The following CLYBL variants were observed in gnomAD, a reference collection of about 807,000 sequenced individuals.
CLYBL encodes citramalyl-CoA lyase, also known as citramalyl-CoA lyase, mitochondrial.
In CLYBL, 31 loss-of-function variants were observed where a neutral mutation model predicts 38.9. That is an observed-to-expected ratio of 0.80 (90% confidence interval 0.60 to 1.08). CLYBL has a LOEUF of 1.08. Ranked by LOEUF, CLYBL falls within the 50% of genes least tolerant of loss-of-function variation. The pLI is 0.00. For missense variants in CLYBL, 434 were observed against 411.6 expected (o/e 1.05, Z -0.47); for synonymous variants, 171 against 158.6 (o/e 1.08, Z -0.59).
intron 2 of CLYBL, among the ~76,000 whole-genome samples, chr13:99,858,343 T>C (rs1177079963): frequency 6.6e-6 from 1 of 152,192 alleles, no homozygotes; most frequent in Admixed American, 6.5e-5. Context: ...TTCAACTCAG[T>C]TGCAAAAAAA....
chr13:99,648,935 A>G (rs184174225), intron 1 of CLYBL, among the ~76,000 whole-genome samples: 1 of 151,912 alleles, frequency 6.6e-6, no homozygotes, highest in Admixed American at 6.6e-5. Context: ...TCATTCATAC[A>G]TTTAACCCAT....
chr13:99,628,684 C>T (rs1037954402), intron 1 of CLYBL, among the ~76,000 whole-genome samples: 3 of 152,184 alleles, frequency 2.0e-5, no homozygotes, highest in African/African-American at 7.2e-5. Context: ...TAAACTGGAG[C>T]CTGAGGCTCT....
chr13:99,801,958 G>A (rs1370273429), intron 2 of CLYBL, among the ~76,000 whole-genome samples: 2 of 152,226 alleles, frequency 1.3e-5, no homozygotes, highest in Non-Finnish European at 2.9e-5. Flanking sequence ...GGAGGTTGCA[G>A]TGAGCCAAGA....
chr13:99,699,649 C>T (rs1451905748), intron 1 of CLYBL, among the ~76,000 whole-genome samples: 4 of 150,692 alleles, frequency 2.7e-5, no homozygotes, highest in African/African-American at 7.4e-5. Context: ...GCCGAGATCG[C>T]GCCACCGTAC....
chr13:99,612,385 A>ATTTT (rs2046639158), intron 1 of CLYBL, among the ~76,000 whole-genome samples: 1 of 66,548 alleles, frequency 1.5e-5, no homozygotes. Context: ...AGACCTTTCT[A>ATTTT]CTTTTTTTTT....
At chr13:99,864,955 GTATATGTGTGTA>G in intron 5 of CLYBL, 44 bp downstream of exon 5, 1 of 1,092,004 alleles carries the variant, frequency 9.2e-7, no homozygotes, top group Non-Finnish European at 1.3e-6. Context: ...GTGTGTGTGT[GTATATGTGTGTA>G]TATATTTTTT....
At chr13:99,792,423 G>C (rs1344450043) in intron 2 of CLYBL, among the ~76,000 whole-genome samples, 2 of 152,174 alleles carry the variant, frequency 1.3e-5, no homozygotes, top group East Asian at 3.9e-4. Flanking sequence ...GATCAGAGCA[G>C]CCGCTCTCTT....
chr13:99,779,783 T>C (rs1378126995), intron 2 of CLYBL, among the ~76,000 whole-genome samples: 2 of 152,210 alleles, frequency 1.3e-5, no homozygotes, highest in East Asian at 3.8e-4. Flanking sequence ...TTTTGTTTTT[T>C]GTTTTTTTCA....
intron 2 of CLYBL, among the ~76,000 whole-genome samples, chr13:99,785,853 C>G: frequency 6.6e-6 from 1 of 152,152 alleles, no homozygotes. Context: ...ACCTCGGCCT[C>G]CCAAAGTGCT....
At chr13:99,903,364 A>T (rs995684044) in intron 8 of CLYBL, among the ~76,000 whole-genome samples, 1 of 152,106 alleles carries the variant, frequency 6.6e-6, no homozygotes, top group African/African-American at 2.4e-5. Flanking sequence ...CATTGCAAAC[A>T]CACTGGCACA....
intron 2 of CLYBL, among the ~76,000 whole-genome samples, chr13:99,779,014 G>A (rs1219438324): frequency 6.6e-6 from 1 of 152,164 alleles, no homozygotes; most frequent in East Asian, 1.9e-4. Context: ...CAAAAATGGT[G>A]GCAGATCCCC....
At chr13:99,714,675 C>T (rs2139504773) in intron 1 of CLYBL, among the ~76,000 whole-genome samples, 1 of 140,826 alleles carries the variant, frequency 7.1e-6, no homozygotes, top group South Asian at 2.3e-4. Flanking sequence ...GGACCAGGAG[C>T]AGTGGCTCCT....
At position 99,656,252 on chromosome 13, in the gene CLYBL, G is replaced by A. The variant is rs534317075; in HGVS notation, c.62+49495G>A. On this transcript the variant is annotated intron_variant, in intron 1 of 8. Coordinates refer to ENST00000339105, the MANE Select transcript of CLYBL (RefSeq NM_206808.5). Reference sequence around the variant, plus strand: ...GTGGAGAACCCCCAGACCTTAGGGTGGCGTGTTTGTCAGGGAGTAGACCAG... The same window carrying A: ...GTGGAGAACCCCCAGACCTTAGGGTAGCGTGTTTGTCAGGGAGTAGACCAG... 1.6e-4 allele frequency among the ~76,000 whole-genome samples: 24 copies of A among 152,270 alleles called. 1 individual carries two copies. In the South Asian group the frequency reaches 5.0e-3, roughly 32 times the overall value.
At chr13:99,819,097 G>C (rs1166552669) in intron 2 of CLYBL, among the ~76,000 whole-genome samples, 1 of 152,018 alleles carries the variant, frequency 6.6e-6, no homozygotes, top group African/African-American at 2.4e-5. Flanking sequence ...TGTAATTCCA[G>C]CACTTTGGGA....
rs142129614 is a variant in CLYBL at position 99,695,428 on chromosome 13, GA to G, written c.63-77393del. ...CCGCGTTTTTATGGACAGTCAAGCAGAAATATGATGAGAGAACAAAAGGGTT... is the reference window on the plus strand; with the variant it reads ...CCGCGTTTTTATGGACAGTCAAGCAGAATATGATGAGAGAACAAAAGGGTT... On this transcript the variant is annotated intron_variant, in intron 1 of 8. Transcript: ENST00000339105. 6.4e-3 allele frequency among the ~76,000 whole-genome samples: 980 copies of G among 152,250 alleles called. 15 individuals carry two copies. The highest frequency in any genetic ancestry group is 0.023 in the African/African-American group (937 of 41,536).
intron 1 of CLYBL, among the ~76,000 whole-genome samples, chr13:99,729,067 C>T (rs376232225): frequency 6.6e-6 from 1 of 152,202 alleles, no homozygotes; most frequent in South Asian, 2.1e-4. Context: ...CAGGGCCATC[C>T]AATTGTCTCC....
At chr13:99,776,422 G>A (rs1459373345) in intron 2 of CLYBL, among the ~76,000 whole-genome samples, 1 of 151,096 alleles carries the variant, frequency 6.6e-6, no homozygotes, top group Non-Finnish European at 1.5e-5. Flanking sequence ...CTTGAACCTG[G>A]GAGGCAGAGG....
chr13:99,711,705 T>A (rs2048236108), intron 1 of CLYBL, among the ~76,000 whole-genome samples: 1 of 148,220 alleles, frequency 6.7e-6, no homozygotes, highest in Non-Finnish European at 1.5e-5. Flanking sequence ...CGCACGCAGC[T>A]TTTTTTATTT....
intron 1 of CLYBL, among the ~76,000 whole-genome samples, chr13:99,751,755 C>T (rs890258661): frequency 3.3e-5 from 5 of 152,070 alleles, no homozygotes; most frequent in South Asian, 2.1e-4. Context: ...GATTGCACAA[C>T]GGTGAGAATG....
Sources: gnomAD v4.1 joint callset for allele counts (sites outside exome capture counted in the v4.1 genomes callset) on GRCh38, gnomAD v4.1.1 for gene constraint, MANE v1.5 for transcripts, NCBI Gene and HGNC (gene_info 2026-07-23, HGNC 2026-07-21) for gene names.